Variants in ANKRD27 observed in about 807,000 individuals in gnomAD.
ANKRD27 encodes ankyrin repeat domain-containing protein 27.
A neutral mutation model predicts 129.7 loss-of-function variants in ANKRD27; 112 were observed. That is an observed-to-expected ratio of 0.86 (90% CI 0.74 to 1.01). The LOEUF (loss-of-function observed/expected upper bound fraction) is 1.01. ANKRD27 is among the 50% of genes least tolerant of loss of function. The pLI is 0.00. For missense variants in ANKRD27, 1,258 were observed against 1,300.5 expected (o/e 0.97, Z 0.50); for synonymous variants, 516 against 511.2 (o/e 1.01, Z -0.13).
chr19:32,673,987 A>C (rs1488645200), intron 1 of ANKRD27, among the ~76,000 whole-genome samples: 1 of 139,712 alleles, frequency 7.2e-6, no homozygotes, highest in Admixed American at 7.2e-5. Context: ...CTCTACAAAA[A>C]AAAAAAAAAA....
rs1415483278 is a variant in ANKRD27 at position 32,604,164 on chromosome 19, G to A, written c.2655+99C>T. On this transcript the variant is annotated intron_variant, in intron 25 of 28. Transcript: ENST00000306065. ...TACGCCCAGCCCGGCGATGCCAAGG[G>A]CCAGGTGTTGCTATTTTAGATCCAG... 5 of 1,381,002 alleles carry A rather than the reference G, an allele frequency of 3.6e-6. No homozygotes were observed. In the East Asian group the frequency reaches 9.6e-5, roughly 27 times the overall value. 85.5% of individuals were successfully genotyped at this position (1,381,002 alleles called of 1,614,324 possible).
chr19:32,639,818 G>C (rs1178183124), intron 11 of ANKRD27, among the ~76,000 whole-genome samples: 1 of 152,188 alleles, frequency 6.6e-6, no homozygotes, highest in East Asian at 1.9e-4. Flanking sequence ...TCCAGAACAA[G>C]AAATGTAAGC....
intron 15 of ANKRD27, among the ~76,000 whole-genome samples, chr19:32,627,586 C>CA (rs1168564348): frequency 6.6e-6 from 1 of 151,948 alleles, no homozygotes; most frequent in Non-Finnish European, 1.5e-5. Flanking sequence ...TTTGTAGAGA[C>CA]AGAGTTTCTC....
In ANKRD27 at chr19:32,642,159, T is replaced by C. The variant is rs1415683499; in HGVS notation, c.783-14A>G. ...GGTATGTTAAAGCTGTAAAATAATT[T>C]GGAAAGTGACAACTTCAGAGCACAG... On this transcript the variant is annotated splice_polypyrimidine_tract_variant and intron_variant, in intron 9 of 28. Transcript: ENST00000306065. 3.8e-6 allele frequency: 6 copies of C among 1,574,648 alleles called. No individual in the cohort carries two copies. Among genetic ancestry groups the C allele is most frequent in the Middle Eastern group, 1.7e-4 (1 of 5,888 alleles).
At chr19:32,605,712 A>G in intron 24 of ANKRD27, 123 bp downstream of exon 24, 7 of 1,359,260 alleles carry the variant, frequency 5.1e-6, no homozygotes, top group Non-Finnish European at 7.1e-6. Flanking sequence ...TCCTCTCCCC[A>G]GAGGCCTGGG....
chr19:32,600,505 C>A (rs945622857), intron 26 of ANKRD27, among the ~76,000 whole-genome samples: 2 of 152,174 alleles, frequency 1.3e-5, no homozygotes, highest in African/African-American at 4.8e-5. Context: ...TGCACCACCA[C>A]ACTCCAGCCT....
Position 32,600,004 on chromosome 19 carries a change from CTG to C in ANKRD27, c.2812_2813del (p.Gln938ValfsTer11). ...GACCAGCTGAGTGGACAAAGTAAAA[CTG>C]TCTTGTAAAAGGCTCATCTGGTAGA... ...YDLPDEPFTR[Q>X]FYFVHSAGQF... On this transcript the variant is annotated frameshift_variant, in exon 27 of 29. Coordinates refer to ENST00000306065, the MANE Select transcript of ANKRD27 (RefSeq NM_032139.3). LOFTEE classifies it high-confidence loss of function. 1.9e-6 allele frequency: 3 copies of C among 1,613,228 alleles called. No homozygotes were observed. Among genetic ancestry groups the C allele is most frequent in the East Asian group, 2.2e-5 (1 of 44,872 alleles).
intron 16 of ANKRD27, 85 bp from the exon 17 acceptor site, chr19:32,626,051 T>G: frequency 9.7e-7 from 1 of 1,034,992 alleles, no homozygotes; most frequent in African/African-American, 1.6e-5. Flanking sequence ...GGGAGGTCAT[T>G]TGCTCCCATC....
At chr19:32,615,553 C>A in intron 22 of ANKRD27, 105 bp downstream of exon 22, 1 of 1,586,896 alleles carries the variant, frequency 6.3e-7, no homozygotes, top group Non-Finnish European at 8.6e-7. Context: ...CACTGCACTC[C>A]GGCCTGGGTG....
At chr19:32,615,584 AAAAAAC>A (rs1223920696) in intron 22 of ANKRD27, 68 bp downstream of exon 22, 211 of 1,612,592 alleles carry the variant, frequency 1.3e-4, no homozygotes, top group Non-Finnish European at 1.7e-4. Flanking sequence ...ACCCTGTCTC[AAAAAAC>A]AAAAACAAAA....
At chr19:32,661,238 CACACACACA>C (rs1967640033) in intron 1 of ANKRD27, among the ~76,000 whole-genome samples, 5 of 125,226 alleles carry the variant, frequency 4.0e-5, no homozygotes, top group Admixed American at 1.6e-4. Flanking sequence ...CACACACACA[CACACACACA>C]CACATATACT....
In ANKRD27 at chr19:32,600,028, T is replaced by C; in HGVS notation, c.2790A>G (p.Leu930=). 6.2e-6 allele frequency: 10 copies of C among 1,612,936 alleles called. No individual in the cohort carries two copies. Among genetic ancestry groups the C allele is most frequent in the Non-Finnish European group, 8.5e-6 (10 of 1,179,096 alleles). The change falls in exon 27 of 29, where the codon CTA becomes CTG. Residue 930 remains leucine, a synonymous_variant. Coordinates refer to ENST00000306065, the MANE Select transcript of ANKRD27 (RefSeq NM_032139.3). ...ACTGTCTTGTAAAAGGCTCATCTGG[T>C]AGATCATACAGTTTTGAGTTCCCTG... ...RKKWNSKLYD[L]PDEPFTRQFY...
rs144447322 is a variant in ANKRD27, at chr19:32,658,755, G to T, written c.102+159C>A. ...CCCAGAAGGCTTCCTGGAGGGAGCG[G>T]CTCATGGGGGCCCCTCGCTGCTCAC... On this transcript the variant is annotated intron_variant, in intron 2 of 28. Coordinates refer to ENST00000306065, the MANE Select transcript of ANKRD27 (RefSeq NM_032139.3). Among the ~76,000 whole-genome samples the T allele has an allele frequency of 3.1e-3, 472 of 152,276 alleles. 3 individuals are homozygous for T. Among genetic ancestry groups the T allele is most frequent in the African/African-American group, 0.011 (444 of 41,560 alleles).
chr19:32,643,293 T>C lies in ANKRD27; in HGVS notation c.699A>G (p.Ala233=). The C allele has an allele frequency of 6.2e-7, 1 of 1,614,064 alleles. No individual in the cohort carries two copies. Among genetic ancestry groups the C allele is most frequent in the South Asian group, 1.1e-5 (1 of 91,076 alleles). ...LIFKYVGTME[A]SEDAAFNKIT... is the part of the protein sequence containing the mutation. ...ATAATAACTGAGAACCTACCTCACTTGCCTCCATGGTCCCCACGTATTTAA... is the reference window on the plus strand; with the variant it reads ...ATAATAACTGAGAACCTACCTCACTCGCCTCCATGGTCCCCACGTATTTAA... Residue 233 remains alanine, a synonymous_variant, in exon 8 of 29, where the codon GCA becomes GCG. Coordinates refer to ENST00000306065, the MANE Select transcript of ANKRD27 (RefSeq NM_032139.3).
At position 32,639,375 on chromosome 19, in the gene ANKRD27, C is replaced by A. The variant is rs1967150718; in HGVS notation, c.1097G>T (p.Ser366Ile). The A allele has an allele frequency of 6.2e-7, 1 of 1,614,042 alleles. No homozygotes were observed. The highest frequency in any genetic ancestry group is 1.3e-5 in the African/African-American group (1 of 74,934). Residue 366 changes from serine (S) to isoleucine (I), a missense_variant, in exon 12 of 29, where the codon AGC becomes ATC. Physicochemically the swap from Ser to Ile is moderately radical, Grantham distance 142. Coordinates refer to ENST00000306065, the MANE Select transcript of ANKRD27 (RefSeq NM_032139.3). Reference protein sequence around the residue: ...EAAIEYIRQGSLSAKPPESEG... With the variant: ...EAAIEYIRQGILSAKPPESEG... ...TCTTACAGGGGGTTTAGCAGAGAGG[C>A]TTCCTTGCCGAATATATTCAATGGC...
At chr19:32,608,266 C>T in intron 22 of ANKRD27, 1 of 243,172 alleles carries the variant, frequency 4.1e-6, no homozygotes, top group South Asian at 4.7e-5. Flanking sequence ...CCACCTCAGC[C>T]TCCCAAAGTG....
chr19:32,611,980 C>A (rs1971842189), intron 22 of ANKRD27, among the ~76,000 whole-genome samples: 2 of 152,188 alleles, frequency 1.3e-5, no homozygotes, highest in South Asian at 4.1e-4. Flanking sequence ...CTCAAGTGAT[C>A]CTCTAACCTC....
At chr19:32,630,140 T>C (rs886725248) in intron 13 of ANKRD27, among the ~76,000 whole-genome samples, 3 of 152,136 alleles carry the variant, frequency 2.0e-5, no homozygotes, top group African/African-American at 4.8e-5. Flanking sequence ...TTTATTCTAA[T>C]AGAGCATCAG....
chr19:32,631,865 G>GCCCAATTCCCTGCAC (rs1568407387), intron 12 of ANKRD27, among the ~76,000 whole-genome samples: 1 of 152,106 alleles, frequency 6.6e-6, no homozygotes, highest in Non-Finnish European at 1.5e-5. Flanking sequence ...AATGCCTGCA[G>GCCCAATTCCCTGCAC]AGCCCAATTC....
Sources: gnomAD v4.1 joint callset for allele counts (sites outside exome capture counted in the v4.1 genomes callset) on GRCh38, gnomAD v4.1.1 for gene constraint, MANE v1.5 for transcripts, NCBI Gene and HGNC (gene_info 2026-07-23, HGNC 2026-07-21) for gene names.